Variants in ATF7IP observed in about 807,000 individuals in gnomAD.
ATF7IP encodes the protein activating transcription factor 7 interacting protein.
A neutral mutation model predicts 106.4 loss-of-function variants in ATF7IP; 23 were observed. The ratio of observed to expected loss-of-function variants is 0.22; its 90% CI spans 0.16 to 0.31. The LOEUF (loss-of-function observed/expected upper bound fraction) is 0.31, where lower values mean the gene tolerates loss of function less well. ATF7IP is among the 10% of genes least tolerant of loss of function. The probability of loss-of-function intolerance (pLI) is 1.00; values close to 1 mark genes in which losing one functional copy is unlikely to be tolerated. For missense variants in ATF7IP, 1,334 were observed against 1,524.3 expected, an observed-to-expected ratio of 0.88 and a Z score of 2.08; for synonymous variants, 542 against 539.0, an observed-to-expected ratio of 1.01 and a Z score of -0.08.
chr12:14,491,237 T>C (rs949429471), intron 13 of ATF7IP, among the ~76,000 whole-genome samples: 1 of 152,174 alleles, frequency 6.6e-6, no homozygotes, highest in African/African-American at 2.4e-5. Context: ...GGTCACTTGA[T>C]AAATGGGCTG....
intron 5 of ATF7IP, among the ~76,000 whole-genome samples, chr12:14,444,921 TG>T (rs1389925899): frequency 1.3e-5 from 2 of 151,930 alleles, no homozygotes; most frequent in East Asian, 3.9e-4. Flanking sequence ...AAGATGATTT[TG>T]GGGGGGCTTA....
chr12:14,492,116 G>A (rs1319684069), intron 13 of ATF7IP, among the ~76,000 whole-genome samples: 3 of 152,186 alleles, frequency 2.0e-5, no homozygotes, highest in African/African-American at 4.8e-5. Flanking sequence ...TGCTAAGTAT[G>A]TCGATGCCAA....
At position 14,424,011 on chromosome 12, in the gene ATF7IP, C is replaced by A; in HGVS notation, c.96C>A (p.Val32=). ...DRQQLEAVYK[V]KEELLKTDVK... is the part of the protein sequence containing the mutation. The stretch of plus-strand genomic sequence containing the variant: ...AGCAACTTGAAGCAGTGTACAAGGT[C>A]AAAGAAGAACTGTTGAAAACTGATG... Residue 32 remains valine (V), a synonymous_variant, in exon 2 of 15, where the codon GTC becomes GTA. Coordinates refer to ENST00000261168, the MANE Select transcript of ATF7IP (RefSeq NM_018179.5). 1 of 1,614,000 alleles carries A rather than the reference C, an allele frequency of 6.2e-7. No homozygotes were observed. Among genetic ancestry groups the A allele is most frequent in the South Asian group, 1.1e-5 (1 of 91,048 alleles).
At chr12:14,410,381 C>G (rs569707514) in intron 1 of ATF7IP, among the ~76,000 whole-genome samples, 1 of 152,114 alleles carries the variant, frequency 6.6e-6, no homozygotes, top group Non-Finnish European at 1.5e-5. Context: ...TCCAGCATAT[C>G]TACACTGTAG....
intron 10 of ATF7IP, among the ~76,000 whole-genome samples, chr12:14,474,328 T>C (rs1473923827): frequency 2.7e-5 from 4 of 150,274 alleles, no homozygotes; most frequent in African/African-American, 9.7e-5. Flanking sequence ...TTATTATTTC[T>C]TTTTTTTTCA....
intron 5 of ATF7IP, among the ~76,000 whole-genome samples, chr12:14,439,569 G>A (rs1004969152): frequency 3.3e-5 from 5 of 152,130 alleles, no homozygotes; most frequent in African/African-American, 7.2e-5. Flanking sequence ...AGTGGCTCAC[G>A]CCTGTGAGCT....
At chr12:14,382,153 CA>C (rs1279555801) in intron 1 of ATF7IP, among the ~76,000 whole-genome samples, 1 of 152,068 alleles carries the variant, frequency 6.6e-6, no homozygotes, top group Non-Finnish European at 1.5e-5. Flanking sequence ...TAAGCTGAGC[CA>C]TGATTGCACC....
chr12:14,494,008 C>T (rs1944914436), intron 13 of ATF7IP, among the ~76,000 whole-genome samples: 1 of 151,898 alleles, frequency 6.6e-6, no homozygotes, highest in South Asian at 2.1e-4. Context: ...TGTATAGAGT[C>T]ACTAAACTCC....
intron 13 of ATF7IP, among the ~76,000 whole-genome samples, chr12:14,489,454 C>T (rs141424532): frequency 2.6e-5 from 4 of 152,028 alleles, no homozygotes; most frequent in African/African-American, 4.8e-5. Flanking sequence ...GCCAGCAGAA[C>T]GTAATGTCGC....
chr12:14,417,808 A>G (rs188365691), intron 1 of ATF7IP, among the ~76,000 whole-genome samples: 1 of 152,330 alleles, frequency 6.6e-6, no homozygotes, highest in Non-Finnish European at 1.5e-5. Context: ...ACCACACTTA[A>G]GTATTGCAGA....
At chr12:14,432,352 G>T (rs1316237526) in intron 2 of ATF7IP, among the ~76,000 whole-genome samples, 2 of 152,144 alleles carry the variant, frequency 1.3e-5, no homozygotes, top group South Asian at 2.1e-4. Flanking sequence ...AAATCAGAAA[G>T]ATATGGAAAA....
At chr12:14,435,164 A>C (rs1942346443) in intron 3 of ATF7IP, among the ~76,000 whole-genome samples, 1 of 151,942 alleles carries the variant, frequency 6.6e-6, no homozygotes, top group Admixed American at 6.6e-5. Context: ...AAGGGAAGGA[A>C]AGATAAGGTT....
chr12:14,420,904 G>A (rs893814549), intron 1 of ATF7IP, among the ~76,000 whole-genome samples: 2 of 152,170 alleles, frequency 1.3e-5, no homozygotes, highest in African/African-American at 4.8e-5. Flanking sequence ...CATTCCTACT[G>A]GTGATGGTAA....
At chr12:14,494,351 A>G (rs1944939157) in intron 13 of ATF7IP, among the ~76,000 whole-genome samples, 1 of 128,070 alleles carries the variant, frequency 7.8e-6, no homozygotes, top group African/African-American at 3.0e-5. Flanking sequence ...GTGTATATGT[A>G]TATATACACA....
In ATF7IP at chr12:14,434,429, C is replaced by T. The variant is rs201782951; in HGVS notation, c.1645+6C>T. On this transcript the variant is annotated splice_donor_region_variant and intron_variant, in intron 3 of 14. Coordinates refer to ENST00000261168, the MANE Select transcript of ATF7IP (RefSeq NM_018179.5). ...TGAAAGACCTTCTGAGAAAAGTATG[C>T]ATGTATAAACAAACTTGAACTGGAT... The T allele has an allele frequency of 1.8e-4, 261 of 1,416,536 alleles. No individual in the cohort carries two copies. The highest frequency in any genetic ancestry group is 2.4e-4 in the Non-Finnish European group (244 of 1,007,718). 87.7% of individuals were successfully genotyped at this position (1,416,536 alleles called of 1,614,324 possible).
chr12:14,420,259 G>A (rs1423598597), intron 1 of ATF7IP: 1 of 152,106 alleles, frequency 6.6e-6, no homozygotes, highest in Non-Finnish European at 1.5e-5. Flanking sequence ...GAAAGTGGGG[G>A]CACTTCTATT....
chr12:14,478,447 G>A lies in ATF7IP; in HGVS notation c.3072G>A (p.Gln1024=), dbSNP rs776248618. Residue 1024 remains glutamine, a synonymous_variant, in exon 12 of 15, where the codon CAG becomes CAA. Coordinates refer to ENST00000261168, the MANE Select transcript of ATF7IP (RefSeq NM_018179.5). ...GGGTGCCAACAAGTGGACCATCTCA[G>A]ACCACCATACACTTACTACCTACAG... The part of the protein sequence containing the change: ...PSGVPTSGPS[Q]TTIHLLPTAP... 5.0e-6 allele frequency: 8 copies of A among 1,614,018 alleles called. No homozygotes were observed. In the South Asian group the frequency reaches 8.8e-5, roughly 18 times the overall value.
At chr12:14,446,250 C>T (rs1437553439) in intron 5 of ATF7IP, among the ~76,000 whole-genome samples, 2 of 151,834 alleles carry the variant, frequency 1.3e-5, no homozygotes, top group African/African-American at 2.4e-5. Context: ...CGGGTTCAAG[C>T]GATACTCCTG....
chr12:14,462,295 A>G (rs1344820723), intron 9 of ATF7IP, among the ~76,000 whole-genome samples: 1 of 152,118 alleles, frequency 6.6e-6, no homozygotes, highest in African/African-American at 2.4e-5. Flanking sequence ...TTACAACACT[A>G]AAAGAGATGC....
Sources: gnomAD v4.1 joint callset for allele counts (sites outside exome capture counted in the v4.1 genomes callset) on GRCh38, gnomAD v4.1.1 for gene constraint, MANE v1.5 for transcripts, NCBI Gene and HGNC (gene_info 2026-07-23, HGNC 2026-07-21) for gene names.